Variants in FAM20C observed in about 807,000 individuals in gnomAD.
The protein encoded by FAM20C is extracellular serine/threonine protein kinase FAM20C.
FAM20C carries 40 observed loss-of-function variants against 51.5 expected under a neutral mutation model. The observed-to-expected ratio is 0.78, with a 90% confidence interval of 0.60 to 1.01. The LOEUF is 1.01. FAM20C is among the 50% of genes least tolerant of loss of function. FAM20C has a pLI of 0.00. For missense variants in FAM20C, 861 were observed against 844.7 expected, an observed-to-expected ratio of 1.02 and a Z score of -0.24; for synonymous variants, 406 against 380.6, an observed-to-expected ratio of 1.07 and a Z score of -0.78.
At chr7:222,667 C>T (rs1167504981) in intron 3 of FAM20C, among the ~76,000 whole-genome samples, 1 of 152,144 alleles carries the variant, frequency 6.6e-6, no homozygotes, top group Non-Finnish European at 1.5e-5. Flanking sequence ...CAACCAAAGG[C>T]TGGAGAGCAG....
At chr7:237,564 T>C (rs1164974926) in intron 3 of FAM20C, among the ~76,000 whole-genome samples, 1 of 151,968 alleles carries the variant, frequency 6.6e-6, no homozygotes, top group African/African-American at 2.4e-5. Flanking sequence ...GTGATGACCA[T>C]GGTAGGAGTG....
At chr7:219,127 C>A (rs1275104996) in intron 3 of FAM20C, among the ~76,000 whole-genome samples, 1 of 152,046 alleles carries the variant, frequency 6.6e-6, no homozygotes, top group Non-Finnish European at 1.5e-5. Context: ...GGCACGGTTG[C>A]CTTCTGCGGT....
chr7:219,517 C>A lies in FAM20C; in HGVS notation c.863+10541C>A, dbSNP rs371648261. Among the ~76,000 whole-genome samples, 62 of 152,294 alleles carry A rather than the reference C, an allele frequency of 4.1e-4. No individual in the cohort carries two copies. The East Asian group carries it at 9.7e-3, about 24-fold the overall frequency. On this transcript the variant is annotated intron_variant, in intron 3 of 9. Coordinates refer to ENST00000313766, the MANE Select transcript of FAM20C (RefSeq NM_020223.4). Reference sequence around the variant, plus strand: ...GTTCCCTCTCAGAGTGGGGGCTTGGCTTCGAATCCGGTACCTGAAGCAGCA... The same window carrying A: ...GTTCCCTCTCAGAGTGGGGGCTTGGATTCGAATCCGGTACCTGAAGCAGCA...
rs572298634 is a variant in FAM20C, at chr7:215,128, G to A, written c.863+6152G>A. ...CCAAAGTGGCCCAGGAGGACAGGGCGTGGTTAACAGTGGGAGTTATGTACA... is the reference window on the plus strand; with the variant it reads ...CCAAAGTGGCCCAGGAGGACAGGGCATGGTTAACAGTGGGAGTTATGTACA... On this transcript the variant is annotated intron_variant, in intron 3 of 9. Transcript: ENST00000313766. 9.2e-5 allele frequency among the ~76,000 whole-genome samples: 14 copies of A among 152,024 alleles called. No homozygotes were observed. The East Asian group carries it at 1.2e-3, about 13-fold the overall frequency.
chr7:253,397 C>T (rs1450486676), intron 5 of FAM20C, among the ~76,000 whole-genome samples: 1 of 152,244 alleles, frequency 6.6e-6, no homozygotes, highest in African/African-American at 2.4e-5. Flanking sequence ...CCTGTCTGCG[C>T]TCTCCGGGAG....
chr7:257,256 A>C (rs539636420), intron 8 of FAM20C, 170 bp downstream of exon 8: 4 of 696,602 alleles, frequency 5.7e-6, no homozygotes, highest in African/African-American at 3.6e-5. Flanking sequence ...CCAGGCCCCA[A>C]CCAGGAGGGA....
chr7:231,737 C>T (rs1235160751), intron 3 of FAM20C, among the ~76,000 whole-genome samples: 1 of 152,188 alleles, frequency 6.6e-6, no homozygotes. Flanking sequence ...GCGGTGTGTG[C>T]AGGCTTCCCA....
intron 3 of FAM20C, among the ~76,000 whole-genome samples, chr7:212,366 A>G (rs28378990): frequency 0.75 from 114,336 of 152,094 alleles, 44,370 homozygotes; most frequent in Non-Finnish European, 0.85. Context: ...AGGAGGCTGA[A>G]GCAGGAGATT....
rs577478999 is a variant in FAM20C, at chr7:246,145, G to A, written c.864-270G>A. The A allele has an allele frequency of 1.8e-4, 61 of 347,460 alleles. 1 individual carries two copies. Among genetic ancestry groups the A allele is most frequent in the African/African-American group, 1.3e-3 (56 of 44,180 alleles). 21.5% of individuals were successfully genotyped at this position (347,460 alleles called of 1,614,324 possible). A position where few individuals can be genotyped will look rare whatever the true frequency, so the allele number is the denominator to read the frequency against. ...GGAGCTGGGACCTCCGGCCTCCGTC[G>A]CAAGGGCCTGCGCTGCTCTGAGGGC... is the stretch of plus-strand genomic sequence containing the variant. On this transcript the variant is annotated intron_variant, in intron 3 of 9. Coordinates refer to ENST00000313766, the MANE Select transcript of FAM20C (RefSeq NM_020223.4).
At chr7:236,980 G>A (rs1352852641) in intron 3 of FAM20C, among the ~76,000 whole-genome samples, 5 of 152,320 alleles carry the variant, frequency 3.3e-5, no homozygotes, top group African/African-American at 1.2e-4. Context: ...TCATCACCAC[G>A]TCTCTGAACT....
Position 255,901 on chromosome 7 carries a change from C to A in FAM20C, c.1125C>A (p.His375Gln). ...GECSYYCSTEHALCGKPDQIE... is the reference protein window; with the variant it reads ...GECSYYCSTEQALCGKPDQIE... ...GTTCCTACTACTGCTCCACGGAGCA[C>A]GCCCTGTGCGGGAAGCCAGACCAGA... The change falls in exon 6 of 10, where the codon CAC becomes CAA. Residue 375 changes from histidine to glutamine, a missense_variant. Transcript: ENST00000313766. The A allele has an allele frequency of 2.6e-6, 4 of 1,536,392 alleles. No homozygotes were observed. The highest frequency in any genetic ancestry group is 3.5e-6 in the Non-Finnish European group (4 of 1,146,850).
At chr7:207,011 C>T (rs1162402845) in intron 2 of FAM20C, among the ~76,000 whole-genome samples, 2 of 51,252 alleles carry the variant, frequency 3.9e-5, no homozygotes, top group African/African-American at 8.8e-5. Flanking sequence ...ACTGTCCCCT[C>T]GGCCCCGCAC....
chr7:210,314 C>T (rs1413661796), intron 3 of FAM20C, among the ~76,000 whole-genome samples: 5 of 152,154 alleles, frequency 3.3e-5, no homozygotes, highest in African/African-American at 7.2e-5. Flanking sequence ...GCCTCTGCCC[C>T]GGTTGAGGAG....
Position 207,026 on chromosome 7 carries a change from A to G in FAM20C, c.785-1872A>G, listed in dbSNP as rs377414830. 7.1e-3 allele frequency among the ~76,000 whole-genome samples: 179 copies of G among 25,282 alleles called. 22 individuals are homozygous for G. Among genetic ancestry groups the G allele is most frequent in the South Asian group, 8.9e-3 (4 of 448 alleles). The allele number at this position is 25,282 out of a possible 152,430, so 16.6% of individuals were successfully genotyped here. ...ACTGTCCCCTCGGCCCCGCACACGT[A>G]TCCACTGTGACGCGTCGGTCACTGT... On this transcript the variant is annotated intron_variant, in intron 2 of 9. Coordinates refer to ENST00000313766, the MANE Select transcript of FAM20C (RefSeq NM_020223.4).
Position 259,875 on chromosome 7 carries a change from C to G in FAM20C, c.1650C>G (p.Leu550=). 6.5e-7 allele frequency: 1 copy of G among 1,536,240 alleles called. No homozygotes were observed. Among genetic ancestry groups the G allele is most frequent in the Non-Finnish European group, 8.7e-7 (1 of 1,146,746 alleles). The change falls in exon 10 of 10, where the codon CTC becomes CTG. Residue 550 remains leucine, a synonymous_variant. Coordinates refer to ENST00000313766, the MANE Select transcript of FAM20C (RefSeq NM_020223.4). ...ACCTGGAGGCCCTGGACCGGCGGCT[C>G]CGCGTCGTGCTAAAGGCCGTCCGGG... is the stretch of plus-strand genomic sequence containing the variant. The part of the protein sequence containing the change: ...QPHLEALDRR[L]RVVLKAVRDC...
chr7:253,340 G>A (rs970958963), intron 5 of FAM20C, among the ~76,000 whole-genome samples: 8 of 152,190 alleles, frequency 5.3e-5, no homozygotes, highest in African/African-American at 1.7e-4. Flanking sequence ...CGCTTGAGCC[G>A]CAGGGTGAAG....
At position 193,476 on chromosome 7, in the gene FAM20C, GA is replaced by G; in HGVS notation, c.278del (p.Asp93AlafsTer37). The G allele has an allele frequency of 6.7e-7, 1 of 1,493,848 alleles. No individual in the cohort carries two copies. Among genetic ancestry groups the G allele is most frequent in the Non-Finnish European group, 8.9e-7 (1 of 1,117,568 alleles). 92.5% of individuals were successfully genotyped at this position (1,493,848 alleles called of 1,614,324 possible). On this transcript the variant is annotated frameshift_variant, in exon 1 of 10. Coordinates refer to ENST00000313766, the MANE Select transcript of FAM20C (RefSeq NM_020223.4). LOFTEE classifies it high-confidence loss of function. ...CAAGCACACGCTCCGCATCCTGCAG[GA>G]CTTCAGCTCCGACCCCTCCTCCAAC... ...PNKHTLRILQDFSSDPSSNLS... is the reference protein window; with the variant it reads ...PNKHTLRILQXFSSDPSSNLS...
chr7:257,362 G>A (rs1343661279), intron 8 of FAM20C: 18 of 488,918 alleles, frequency 3.7e-5, no homozygotes, highest in Non-Finnish European at 5.9e-5. Flanking sequence ...GCCAGGAGAG[G>A]CTGCTGGTAG....
chr7:246,466 C>A lies in FAM20C; in HGVS notation c.915C>A (p.Tyr305Ter). The A allele has an allele frequency of 6.5e-7, 1 of 1,536,936 alleles. No homozygotes were observed. The highest frequency in any genetic ancestry group is 8.7e-7 in the Non-Finnish European group (1 of 1,146,806). ...TPPDFFYFSDYERHNAEIAAF... is the reference protein window; with the variant it reads ...TPPDFFYFSD ...CTGACTTTTTTTATTTCTCTGACTA[C>A]GAGAGGCACAATGCGGAGATTGCTG... is the stretch of plus-strand genomic sequence containing the variant. The change falls in exon 4 of 10, where the codon TAC becomes TAA. Residue 305 changes from tyrosine (Y) to a stop codon, truncating the protein, a stop_gained. Transcript: ENST00000313766. LOFTEE classifies it high-confidence loss of function.
Sources: allele counts gnomAD v4.1 joint callset (sites outside exome capture counted in the v4.1 genomes callset), GRCh38; gene constraint gnomAD v4.1.1; transcripts MANE v1.5; gene names NCBI Gene and HGNC (gene_info 2026-07-23, HGNC 2026-07-21).